The following PPP3CC variants were observed in gnomAD, a reference collection of about 807,000 sequenced individuals.
PPP3CC encodes protein phosphatase 3 catalytic subunit gamma.
Under a neutral mutation model 60.3 loss-of-function variants are expected in PPP3CC, and 35 were observed. The observed-to-expected ratio is 0.58, with a 90% confidence interval of 0.44 to 0.77. The LOEUF (loss-of-function observed/expected upper bound fraction) is 0.77, where lower values mean the gene tolerates loss of function less well. Ranked by LOEUF, PPP3CC falls within the 30% of genes least tolerant of loss-of-function variation. The pLI, the probability that PPP3CC is intolerant of heterozygous loss-of-function variation, is 0.00. For synonymous variants in PPP3CC, 206 were observed against 224.3 expected (o/e 0.92, Z 0.73); for missense variants, 570 against 628.9 (o/e 0.91, Z 1.00).
intron 6 of PPP3CC, among the ~76,000 whole-genome samples, chr8:22,517,584 T>C (rs1839286978): frequency 1.3e-5 from 2 of 152,164 alleles, no homozygotes; most frequent in Admixed American, 1.3e-4. Context: ...ATGATTCAGT[T>C]TTGGCAGGTT....
At chr8:22,469,187 C>A (rs1216495082) in intron 1 of PPP3CC, among the ~76,000 whole-genome samples, 1 of 152,094 alleles carries the variant, frequency 6.6e-6, no homozygotes, top group Non-Finnish European at 1.5e-5. Flanking sequence ...TCACTTACAG[C>A]AACATGGATG....
At chr8:22,521,222 A>C (rs1439418127) in intron 6 of PPP3CC, among the ~76,000 whole-genome samples, 1 of 152,184 alleles carries the variant, frequency 6.6e-6, no homozygotes, top group African/African-American at 2.4e-5. Context: ...CATGATTTCC[A>C]CAAGGCCCCT....
intron 6 of PPP3CC, among the ~76,000 whole-genome samples, chr8:22,517,193 C>T (rs1382988885): frequency 6.6e-6 from 1 of 152,206 alleles, no homozygotes; most frequent in Non-Finnish European, 1.5e-5. Flanking sequence ...TGATACTCTG[C>T]CTTCTTTTAT....
chr8:22,442,304 G>T (rs769518497), intron 1 of PPP3CC, among the ~76,000 whole-genome samples: 1 of 152,182 alleles, frequency 6.6e-6, no homozygotes, highest in South Asian at 2.1e-4. Flanking sequence ...TGTAAGAAGG[G>T]AATAGACTTA....
intron 4 of PPP3CC, among the ~76,000 whole-genome samples, chr8:22,498,655 A>G (rs1838663690): frequency 6.6e-6 from 1 of 152,220 alleles, no homozygotes; most frequent in Admixed American, 6.5e-5. Context: ...CATTTTTTCC[A>G]TATCATTAAG....
At chr8:22,525,491 C>CTTCT (rs199717558) in intron 8 of PPP3CC, among the ~76,000 whole-genome samples, 10,510 of 128,448 alleles carry the variant, frequency 0.082, 553 homozygotes, top group East Asian at 0.12. Flanking sequence ...GCTTCCTTTT[C>CTTCT]TTCTTTCTTT....
At chr8:22,490,052 T>A (rs2132496686) in intron 3 of PPP3CC, among the ~76,000 whole-genome samples, 1 of 152,048 alleles carries the variant, frequency 6.6e-6, no homozygotes, top group South Asian at 2.1e-4. Context: ...CTGGATCTCC[T>A]GACCTCGTGA....
intron 1 of PPP3CC, among the ~76,000 whole-genome samples, chr8:22,455,073 A>G (rs1837156324): frequency 6.6e-6 from 1 of 151,050 alleles, no homozygotes; most frequent in Admixed American, 6.6e-5. Context: ...AAAAAAAAAA[A>G]AGAAAGAAAG....
At chr8:22,499,690 G>C (rs1838707465) in intron 4 of PPP3CC, among the ~76,000 whole-genome samples, 1 of 152,148 alleles carries the variant, frequency 6.6e-6, no homozygotes, top group African/African-American at 2.4e-5. Flanking sequence ...GGGATGTTTG[G>C]GAGATCCTGC....
At chr8:22,460,906 T>G (rs557258226) in intron 1 of PPP3CC, among the ~76,000 whole-genome samples, 1 of 152,226 alleles carries the variant, frequency 6.6e-6, no homozygotes, top group Admixed American at 6.5e-5. Context: ...AGTGCAGTGG[T>G]GTGATCTCGG....
intron 1 of PPP3CC, among the ~76,000 whole-genome samples, chr8:22,441,965 T>G (rs1836687639): frequency 6.6e-6 from 1 of 152,190 alleles, no homozygotes; most frequent in South Asian, 2.1e-4. Flanking sequence ...GTCAGATAAA[T>G]CCATTATATG....
chr8:22,448,008 G>C (rs1340210060), intron 1 of PPP3CC, among the ~76,000 whole-genome samples: 1 of 152,198 alleles, frequency 6.6e-6, no homozygotes, highest in Non-Finnish European at 1.5e-5. Context: ...CAGCCCAAGA[G>C]ACTGAAATTC....
At chr8:22,501,684 T>C (rs1289297926) in intron 4 of PPP3CC, among the ~76,000 whole-genome samples, 1 of 152,114 alleles carries the variant, frequency 6.6e-6, no homozygotes, top group East Asian at 1.9e-4. Flanking sequence ...TGTGATCAGC[T>C]AGCTGGAAAA....
intron 1 of PPP3CC, among the ~76,000 whole-genome samples, chr8:22,463,784 G>A (rs1402882895): frequency 6.7e-6 from 1 of 148,854 alleles, no homozygotes; most frequent in African/African-American, 2.5e-5. Context: ...TCGAATGTAT[G>A]TTTTCTTTTT....
chr8:22,532,435 T>A, intron 11 of PPP3CC, 129 bp downstream of exon 11: 2 of 725,958 alleles, frequency 2.8e-6, no homozygotes, highest in Non-Finnish European at 4.6e-6. Flanking sequence ...TGAGTGCAAA[T>A]TCAATGAACA....
intron 3 of PPP3CC, among the ~76,000 whole-genome samples, chr8:22,479,798 C>T (rs1335262516): frequency 6.6e-6 from 1 of 150,778 alleles, no homozygotes; most frequent in Non-Finnish European, 1.5e-5. Flanking sequence ...GGCATACACA[C>T]AGACTGAGCG....
At chr8:22,445,285 A>G (rs545352835) in intron 1 of PPP3CC, among the ~76,000 whole-genome samples, 10 of 152,204 alleles carry the variant, frequency 6.6e-5, no homozygotes, top group East Asian at 5.8e-4. Flanking sequence ...CCCGATTTCA[A>G]TCTCTGGTAC....
intron 10 of PPP3CC, among the ~76,000 whole-genome samples, chr8:22,529,157 A>G (rs1327828224): frequency 1.3e-5 from 2 of 152,244 alleles, no homozygotes; most frequent in African/African-American, 4.8e-5. Flanking sequence ...GTAAAGCAAT[A>G]TTAGAAAATC....
At chr8:22,449,947 A>C (rs1015974179) in intron 1 of PPP3CC, among the ~76,000 whole-genome samples, 4 of 150,410 alleles carry the variant, frequency 2.7e-5, no homozygotes, top group African/African-American at 9.8e-5. Flanking sequence ...GCTCACTGCA[A>C]CCTCTGTCTC....
Sources: gnomAD v4.1 joint callset for allele counts (sites outside exome capture counted in the v4.1 genomes callset) on GRCh38, gnomAD v4.1.1 for gene constraint, MANE v1.5 for transcripts, NCBI Gene and HGNC (gene_info 2026-07-23, HGNC 2026-07-21) for gene names.